Variants in RREB1 observed in about 807,000 individuals in gnomAD.
The protein encoded by RREB1 is ras responsive element binding protein 1.
RREB1 carries 27 observed loss-of-function variants against 117.8 expected under a neutral mutation model. The ratio of observed to expected loss-of-function variants is 0.23; its 90% confidence interval spans 0.17 to 0.32. The LOEUF (loss-of-function observed/expected upper bound fraction) is 0.32, where lower values mean the gene tolerates loss of function less well. Among genes scored for constraint, RREB1 ranks in the 10% least tolerant of loss-of-function variants. The probability of loss-of-function intolerance (pLI) is 1.00; values close to 1 mark genes in which losing one functional copy is unlikely to be tolerated. For missense variants in RREB1, 2,577 were observed against 2,378.2 expected, an observed-to-expected ratio of 1.08 and a Z score of -1.74; for synonymous variants, 1,298 against 1,026.7, an observed-to-expected ratio of 1.26 and a Z score of -5.05.
At chr6:7,146,149 C>T (rs995806393) in intron 1 of RREB1, among the ~76,000 whole-genome samples, 2 of 152,096 alleles carry the variant, frequency 1.3e-5, no homozygotes, top group Non-Finnish European at 2.9e-5. Context: ...GGCTTTCCTT[C>T]TAGGCAGAAC....
chr6:7,117,407 T>TG (rs1761457458), intron 1 of RREB1, among the ~76,000 whole-genome samples: 2 of 130,192 alleles, frequency 1.5e-5, no homozygotes, highest in Non-Finnish European at 3.2e-5. Flanking sequence ...TTTTTTTTTT[T>TG]TTTTTTTTTT....
chr6:7,153,728 G>C (rs1763235290), intron 1 of RREB1, among the ~76,000 whole-genome samples: 2 of 152,188 alleles, frequency 1.3e-5, no homozygotes, highest in Admixed American at 1.3e-4. Flanking sequence ...AATGAAGTCA[G>C]GCTAAGCGAA....
chr6:7,174,922 A>G (rs1437113086), intron 1 of RREB1, among the ~76,000 whole-genome samples: 1 of 151,932 alleles, frequency 6.6e-6, no homozygotes, highest in East Asian at 1.9e-4. Context: ...TTATTTATTT[A>G]TTTATTTTAA....
At chr6:7,164,725 AC>A (rs1426263570) in intron 1 of RREB1, among the ~76,000 whole-genome samples, 3 of 152,206 alleles carry the variant, frequency 2.0e-5, no homozygotes, top group African/African-American at 4.8e-5. Flanking sequence ...GAACCTAAAA[AC>A]ACCTAGACAT....
At position 7,211,794 on chromosome 6, in the gene RREB1, G is replaced by T. The variant is rs555802175; in HGVS notation, c.707+85G>T. The T allele has an allele frequency of 5.0e-6, 7 of 1,395,404 alleles. No homozygotes were observed. In the East Asian group the frequency reaches 1.6e-4, roughly 33 times the overall value. The allele number at this position is 1,395,404 out of a possible 1,614,324, so 86.4% of individuals were successfully genotyped here. A position where few individuals can be genotyped will look rare whatever the true frequency, so the allele number is the denominator to read the frequency against. ...TTCTTAAGTCCCGTTACTCCACACC[G>T]GGCTCCAGTGATTGAACTTGGGCAC... On this transcript the variant is annotated intron_variant, in intron 8 of 12. Transcript: ENST00000379938.
rs544585353 is a variant in RREB1, at chr6:7,249,177, C to T, written c.*209C>T. Reference sequence around the variant, plus strand: ...CTGCGCGGGAGGCCACAGCCCGTGCCGATTCCAGTGCCTTAACTACTTACC... The same window carrying T: ...CTGCGCGGGAGGCCACAGCCCGTGCTGATTCCAGTGCCTTAACTACTTACC... On this transcript the variant is annotated 3_prime_UTR_variant, in exon 13 of 13. Coordinates refer to ENST00000379938, the MANE Select transcript of RREB1 (RefSeq NM_001003699.4). The T allele has an allele frequency of 6.1e-4, 308 of 504,580 alleles. 4 individuals are homozygous for T. The South Asian group carries it at 9.2e-3, about 15-fold the overall frequency. 31.3% of individuals were successfully genotyped at this position (504,580 alleles called of 1,614,324 possible).
intron 9 of RREB1, among the ~76,000 whole-genome samples, 155 bp from the exon 10 acceptor site, chr6:7,228,842 T>C (rs1767740319): frequency 2.0e-5 from 3 of 152,094 alleles, no homozygotes; most frequent in Non-Finnish European, 4.4e-5. Context: ...ATACGGGATC[T>C]TGCTATATTG....
Position 7,181,293 on chromosome 6 carries a change from C to T in RREB1, c.-43+47C>T, listed in dbSNP as rs1198986450. The T allele has an allele frequency of 2.0e-4, 81 of 398,674 alleles. 1 individual carries two copies. The highest frequency in any genetic ancestry group is 2.1e-5 in the African/African-American group (1 of 48,596). 24.7% of individuals were successfully genotyped at this position (398,674 alleles called of 1,614,324 possible). Reference sequence around the variant, plus strand: ...GGGTTCTTCTTTCCCTCCTAGGGTACGTTACCTGCTTTATACATATTTTTT... The same window carrying T: ...GGGTTCTTCTTTCCCTCCTAGGGTATGTTACCTGCTTTATACATATTTTTT... On this transcript the variant is annotated intron_variant, in intron 3 of 12. Transcript: ENST00000379938.
At chr6:7,148,619 C>T (rs992200055) in intron 1 of RREB1, among the ~76,000 whole-genome samples, 1 of 151,898 alleles carries the variant, frequency 6.6e-6, no homozygotes, top group Non-Finnish European at 1.5e-5. Context: ...CTGAGTCACC[C>T]CCACAAAAGG....
intron 1 of RREB1, among the ~76,000 whole-genome samples, chr6:7,152,186 C>G (rs749465046): frequency 8.5e-5 from 13 of 152,214 alleles, no homozygotes; most frequent in Admixed American, 4.6e-4. Flanking sequence ...TCTAATTGCA[C>G]ATTATTCCTG....
At chr6:7,187,387 T>A in intron 4 of RREB1, 47 bp from the exon 5 acceptor site, 4 of 1,221,642 alleles carry the variant, frequency 3.3e-6, no homozygotes, top group Non-Finnish European at 4.8e-6. Context: ...AAGGCACTTG[T>A]TGACTGTGAG....
At chr6:7,124,742 G>C (rs1023166035) in intron 1 of RREB1, among the ~76,000 whole-genome samples, 1 of 152,148 alleles carries the variant, frequency 6.6e-6, no homozygotes, top group African/African-American at 2.4e-5. Flanking sequence ...GTTACCAGCC[G>C]CCTAAATTCC....
At chr6:7,221,699 C>CATGA (rs1368267987) in intron 8 of RREB1, among the ~76,000 whole-genome samples, 1 of 152,164 alleles carries the variant, frequency 6.6e-6, no homozygotes, top group Non-Finnish European at 1.5e-5. Context: ...CACTTCTTTT[C>CATGA]AGGAGGCAGG....
At chr6:7,204,108 AGGGCTGGCTTTGGAGGT>A (rs1233179436) in intron 6 of RREB1, among the ~76,000 whole-genome samples, 1 of 152,198 alleles carries the variant, frequency 6.6e-6, no homozygotes, top group African/African-American at 2.4e-5. Context: ...GATTTTTCTA[AGGGCTGGCTTTGGAGGT>A]CAGCACAGGT....
chr6:7,172,698 G>A (rs1045365287), intron 1 of RREB1, among the ~76,000 whole-genome samples: 3 of 138,982 alleles, frequency 2.2e-5, no homozygotes, highest in African/African-American at 5.3e-5. Flanking sequence ...GTGTGGGGGG[G>A]TGGGGGTGAC....
At chr6:7,169,676 T>A (rs904050606) in intron 1 of RREB1, among the ~76,000 whole-genome samples, 4 of 152,168 alleles carry the variant, frequency 2.6e-5, no homozygotes, top group African/African-American at 9.7e-5. Flanking sequence ...GGAGAAGAGC[T>A]ACAAGAAGTG....
intron 8 of RREB1, among the ~76,000 whole-genome samples, chr6:7,221,442 G>C (rs1581559216): frequency 6.6e-6 from 1 of 152,302 alleles, no homozygotes; most frequent in South Asian, 2.1e-4. Flanking sequence ...AAAGTGCTGG[G>C]ATTACAGGCG....
intron 1 of RREB1, among the ~76,000 whole-genome samples, chr6:7,123,610 C>CTTTTTTTTT (rs5874079): frequency 2.4e-5 from 3 of 122,854 alleles, no homozygotes; most frequent in Non-Finnish European, 4.9e-5. Context: ...TGTGATGTGT[C>CTTTTTTTTT]TTTTTTTTTT....
intron 1 of RREB1, among the ~76,000 whole-genome samples, chr6:7,117,637 G>A (rs1017368934): frequency 2.0e-5 from 3 of 151,914 alleles, no homozygotes; most frequent in Non-Finnish European, 4.4e-5. Context: ...TTGAACTCCT[G>A]ACCTCAGGTG....
Sources: gnomAD v4.1 joint callset for allele counts (sites outside exome capture counted in the v4.1 genomes callset) on GRCh38, gnomAD v4.1.1 for gene constraint, MANE v1.5 for transcripts, NCBI Gene and HGNC (gene_info 2026-07-23, HGNC 2026-07-21) for gene names.